The following EFL1 variants were observed in gnomAD, a reference collection of about 807,000 sequenced individuals.
EFL1 encodes elongation factor-like GTPase 1.
A neutral mutation model predicts 126.7 loss-of-function variants in EFL1; 76 were observed. The observed-to-expected ratio is 0.60, with a 90% CI of 0.50 to 0.73. The LOEUF is 0.73. Among genes scored for constraint, EFL1 ranks in the 30% least tolerant of loss-of-function variants. The pLI is 0.00. For synonymous variants in EFL1, 410 were observed against 448.4 expected (o/e 0.91, Z 1.08); for missense variants, 1,128 against 1,343.2 (o/e 0.84, Z 2.50).
chr15:82,212,908 T>C (rs1383868013), intron 15 of EFL1, among the ~76,000 whole-genome samples: 1 of 152,224 alleles, frequency 6.6e-6, no homozygotes, highest in Non-Finnish European at 1.5e-5. Flanking sequence ...TAGAAGGTCT[T>C]GACCCTTGTG....
chr15:82,156,723 C>G (rs1241547867), intron 17 of EFL1, among the ~76,000 whole-genome samples: 2 of 152,110 alleles, frequency 1.3e-5, no homozygotes, highest in Non-Finnish European at 2.9e-5. Flanking sequence ...CTATATCAAT[C>G]ATTTATAATT....
chr15:82,150,264 T>A (rs965178854), intron 18 of EFL1, among the ~76,000 whole-genome samples: 1 of 152,130 alleles, frequency 6.6e-6, no homozygotes, highest in African/African-American at 2.4e-5. Flanking sequence ...ACAAACAAAC[T>A]TAGATTTCTG....
intron 19 of EFL1, among the ~76,000 whole-genome samples, chr15:82,131,341 G>A (rs1366204007): frequency 6.6e-6 from 1 of 151,984 alleles, no homozygotes; most frequent in East Asian, 1.9e-4. Context: ...TGCCCAGGCT[G>A]GAGGGCAGTG....
At chr15:82,250,982 C>T (rs1321049743) in intron 4 of EFL1, among the ~76,000 whole-genome samples, 1 of 152,078 alleles carries the variant, frequency 6.6e-6, no homozygotes, top group African/African-American at 2.4e-5. Flanking sequence ...GACACCGAGG[C>T]GGGCGGATCA....
rs115119213 is a variant in EFL1 at position 82,147,235 on chromosome 15, G to C, written c.2989+4230C>G. Among the ~76,000 whole-genome samples, 1,478 of 152,164 alleles carry C rather than the reference G, an allele frequency of 9.7e-3. 26 individuals are homozygous for C. Among genetic ancestry groups the C allele is most frequent in the African/African-American group, 0.034 (1,408 of 41,496 alleles). ...ATAATGTAGAAGAGATGGCAATCTGGGGAGAAAACAGGTGCTCCCATTATT... is the reference window on the plus strand; with the variant it reads ...ATAATGTAGAAGAGATGGCAATCTGCGGAGAAAACAGGTGCTCCCATTATT... On this transcript the variant is annotated intron_variant, in intron 18 of 19. Transcript: ENST00000268206.
At chr15:82,229,942 A>G (rs2074803916) in intron 8 of EFL1, among the ~76,000 whole-genome samples, 1 of 152,244 alleles carries the variant, frequency 6.6e-6, no homozygotes, top group Non-Finnish European at 1.5e-5. Context: ...AATAACTGAG[A>G]TAAAAGTCAT....
intron 3 of EFL1, among the ~76,000 whole-genome samples, chr15:82,253,260 G>C (rs1376156085): frequency 6.6e-6 from 1 of 151,812 alleles, no homozygotes; most frequent in Admixed American, 6.6e-5. Context: ...GGCTGGTCTT[G>C]AGCTCCTGAC....
intron 15 of EFL1, among the ~76,000 whole-genome samples, chr15:82,198,988 T>C (rs1317997063): frequency 6.6e-6 from 1 of 151,902 alleles, no homozygotes; most frequent in African/African-American, 2.4e-5. Flanking sequence ...ATTAAGCCAA[T>C]AAAGATTTCA....
intron 19 of EFL1, among the ~76,000 whole-genome samples, chr15:82,136,616 T>C (rs1397848289): frequency 6.6e-6 from 1 of 152,208 alleles, no homozygotes; most frequent in Non-Finnish European, 1.5e-5. Flanking sequence ...GTAATACATT[T>C]GCACTACAGA....
intron 16 of EFL1, among the ~76,000 whole-genome samples, chr15:82,161,024 T>C (rs948694394): frequency 6.6e-6 from 1 of 152,218 alleles, no homozygotes; most frequent in Non-Finnish European, 1.5e-5. Flanking sequence ...GAGTTTGTAG[T>C]TGACCTGTGG....
chr15:82,200,064 G>A (rs574735008), intron 15 of EFL1, among the ~76,000 whole-genome samples: 3 of 152,250 alleles, frequency 2.0e-5, no homozygotes, highest in Admixed American at 6.5e-5. Context: ...GTGAAACAGC[G>A]GGGAAGGAAG....
intron 4 of EFL1, among the ~76,000 whole-genome samples, chr15:82,245,059 T>C (rs1202813667): frequency 6.6e-6 from 1 of 152,184 alleles, no homozygotes; most frequent in Non-Finnish European, 1.5e-5. Context: ...ACATTCCTTA[T>C]GTATGAACTT....
At position 82,262,671 on chromosome 15, in the gene EFL1, G is replaced by A. The variant is rs1490700352; in HGVS notation, c.-77C>T. 4 of 546,764 alleles carry A rather than the reference G, an allele frequency of 7.3e-6. No homozygotes were observed. Among genetic ancestry groups the A allele is most frequent in the Non-Finnish European group, 3.2e-6 (1 of 314,948 alleles). 33.9% of individuals were successfully genotyped at this position (546,764 alleles called of 1,614,324 possible). On this transcript the variant is annotated 5_prime_UTR_variant, in exon 1 of 20. Coordinates refer to ENST00000268206, the MANE Select transcript of EFL1 (RefSeq NM_024580.6). ...CTCTCGGGTCGCACCCACACCGAGAGCTTCCGAAAGTCCGAGAGCTCTGCG... is the reference window on the plus strand; with the variant it reads ...CTCTCGGGTCGCACCCACACCGAGAACTTCCGAAAGTCCGAGAGCTCTGCG...
intron 15 of EFL1, among the ~76,000 whole-genome samples, chr15:82,210,574 ACG>A (rs2141291597): frequency 6.6e-6 from 1 of 152,208 alleles, no homozygotes; most frequent in South Asian, 2.1e-4. Context: ...AATAGACACC[ACG>A]TGGGGCCAGG....
intron 8 of EFL1, among the ~76,000 whole-genome samples, chr15:82,230,634 CT>C (rs1198796607): frequency 6.6e-6 from 1 of 152,108 alleles, no homozygotes; most frequent in Non-Finnish European, 1.5e-5. Flanking sequence ...AAAGGCAGTT[CT>C]TTGCTCACTA....
chr15:82,228,194 G>C lies in EFL1; in HGVS notation c.1066C>G (p.Leu356Val). The C allele has an allele frequency of 6.2e-7, 1 of 1,607,338 alleles. No individual in the cohort carries two copies. Among genetic ancestry groups the C allele is most frequent in the Non-Finnish European group, 8.5e-7 (1 of 1,178,400 alleles). ...SQWLPISHAV[L>V]AMVCQKLPSP... ...AAACCATTAGAATAAAGGATACCAA[G>C]AACAGCATGGGATATGGGTAGCCAC... The change falls in exon 10 of 20, where the codon CTT becomes GTT. Residue 356 changes from leucine (L) to valine (V), a missense_variant. By Grantham distance (32) the Leu-to-Val change is conservative (BLOSUM62 1). Coordinates refer to ENST00000268206, the MANE Select transcript of EFL1 (RefSeq NM_024580.6).
At chr15:82,247,278 A>G (rs62012056) in intron 4 of EFL1, among the ~76,000 whole-genome samples, 23,976 of 152,174 alleles carry the variant, frequency 0.16, 2,455 homozygotes, top group Non-Finnish European at 0.24. Flanking sequence ...AAAATCCAGA[A>G]AGTATTCATG....
chr15:82,196,851 G>A (rs1315077748), intron 15 of EFL1, among the ~76,000 whole-genome samples: 2 of 152,138 alleles, frequency 1.3e-5, no homozygotes, highest in African/African-American at 4.8e-5. Flanking sequence ...GGCCAACATA[G>A]TGAAACCCTG....
intron 15 of EFL1, among the ~76,000 whole-genome samples, chr15:82,191,224 C>T (rs997172297): frequency 1.3e-4 from 20 of 152,266 alleles, no homozygotes; most frequent in African/African-American, 4.3e-4. Flanking sequence ...AAGAACAATA[C>T]AACACACCCT....
Sources: allele counts gnomAD v4.1 joint callset (sites outside exome capture counted in the v4.1 genomes callset), GRCh38; gene constraint gnomAD v4.1.1; transcripts MANE v1.5; gene names NCBI Gene and HGNC (gene_info 2026-07-23, HGNC 2026-07-21).